The following PTPRJ variants were observed in gnomAD, a reference collection of about 807,000 sequenced individuals.
PTPRJ encodes protein tyrosine phosphatase receptor type J.
PTPRJ carries 129 observed loss-of-function variants against 141.3 expected under a neutral mutation model. That is an observed-to-expected ratio of 0.91 (90% CI 0.79 to 1.06). The LOEUF (loss-of-function observed/expected upper bound fraction) is 1.06. Ranked by LOEUF, PTPRJ falls within the 50% of genes least tolerant of loss-of-function variation. PTPRJ has a pLI of 0.00. For synonymous variants in PTPRJ, 610 were observed against 640.5 expected (o/e 0.95, Z 0.72); for missense variants, 1,601 against 1,679.7 (o/e 0.95, Z 0.82).
intron 1 of PTPRJ, chr11:48,096,822 A>T (rs73466882): frequency 0.015 from 2,387 of 154,830 alleles, 75 homozygotes; most frequent in African/African-American, 0.054. Context: ...ATTGAAGTTG[A>T]ATAGTGCTGG....
At chr11:48,143,191 A>C in intron 12 of PTPRJ, 141 bp downstream of exon 12, 1 of 1,156,154 alleles carries the variant, frequency 8.6e-7, no homozygotes, top group Non-Finnish European at 1.2e-6. Context: ...TCAGACAGAG[A>C]AGGAGGGTGA....
intron 1 of PTPRJ, among the ~76,000 whole-genome samples, chr11:48,033,290 G>A (rs926760004): frequency 6.6e-6 from 1 of 152,072 alleles, no homozygotes; most frequent in African/African-American, 2.4e-5. Flanking sequence ...GTGGAGTGGG[G>A]TGGGGTGGAT....
At chr11:48,132,306 CAGG>C (rs1194976891) in intron 8 of PTPRJ, 1 of 981,712 alleles carries the variant, frequency 1.0e-6, no homozygotes, top group Non-Finnish European at 1.2e-6. Context: ...GAGGCTGCGG[CAGG>C]AGGATTGCTT....
intron 1 of PTPRJ, among the ~76,000 whole-genome samples, chr11:48,106,196 C>T (rs144756235): frequency 1.2e-3 from 185 of 152,210 alleles, no homozygotes; most frequent in Non-Finnish European, 2.2e-3. Flanking sequence ...AAAAGGCTCC[C>T]GTTTAAGTCC....
At chr11:48,084,252 T>C (rs1855637629) in intron 1 of PTPRJ, among the ~76,000 whole-genome samples, 1 of 152,128 alleles carries the variant, frequency 6.6e-6, no homozygotes, top group African/African-American at 2.4e-5. Context: ...TCTTGGCTTA[T>C]TGCAACCTCT....
chr11:48,093,159 G>A (rs754527672), intron 1 of PTPRJ, among the ~76,000 whole-genome samples: 9 of 152,162 alleles, frequency 5.9e-5, no homozygotes, highest in Non-Finnish European at 1.2e-4. Flanking sequence ...TTGCCTCAGT[G>A]ATCATGTATG....
intron 4 of PTPRJ, 144 bp downstream of exon 4, chr11:48,121,410 C>A: frequency 1.1e-6 from 1 of 921,074 alleles, no homozygotes; most frequent in Non-Finnish European, 1.6e-6. Flanking sequence ...TTGTTTCAAG[C>A]CTGGGATTTC....
At chr11:48,146,729 G>T (rs1380164157) in intron 14 of PTPRJ, 147 bp from the exon 15 acceptor site, 5 of 694,164 alleles carry the variant, frequency 7.2e-6, no homozygotes, top group Non-Finnish European at 1.3e-5. Context: ...TTGTGTGTGT[G>T]TGCGCCTGTG....
At chr11:48,080,926 C>T (rs10838802) in intron 1 of PTPRJ, among the ~76,000 whole-genome samples, 98,337 of 152,146 alleles carry the variant, frequency 0.65, 33,836 homozygotes, top group East Asian at 0.81. Context: ...TCAGGAATTG[C>T]TGAGCGAATA....
intron 1 of PTPRJ, among the ~76,000 whole-genome samples, chr11:48,013,737 T>C (rs1433056736): frequency 6.6e-6 from 1 of 152,050 alleles, no homozygotes; most frequent in Non-Finnish European, 1.5e-5. Flanking sequence ...CTTGGCTTAG[T>C]GAGCCAAGCA....
rs1309864155 is a variant in PTPRJ, at chr11:48,068,526, C to T, written c.97-41532C>T. ...CCCTTCCACCGTGATTGTGAGGCCT[C>T]GCCAGCCATGTGGAACTGTGAGTCA... On this transcript the variant is annotated intron_variant, in intron 1 of 24. Transcript: ENST00000418331. Among the ~76,000 whole-genome samples the T allele has an allele frequency of 2.0e-5, 3 of 152,172 alleles. No individual in the cohort carries two copies. In the East Asian group the frequency reaches 5.8e-4, roughly 29 times the overall value.
At chr11:48,033,590 C>T (rs891645303) in intron 1 of PTPRJ, among the ~76,000 whole-genome samples, 3 of 152,084 alleles carry the variant, frequency 2.0e-5, no homozygotes, top group Non-Finnish European at 2.9e-5. Context: ...CTGAGCTGCT[C>T]CAAACGTGTG....
chr11:48,114,864 C>T (rs1856526765), intron 3 of PTPRJ, among the ~76,000 whole-genome samples: 1 of 152,128 alleles, frequency 6.6e-6, no homozygotes, highest in Non-Finnish European at 1.5e-5. Flanking sequence ...AGATATTTAA[C>T]AGAGAAGCAA....
intron 1 of PTPRJ, among the ~76,000 whole-genome samples, chr11:48,047,984 C>A (rs1854454956): frequency 6.6e-6 from 1 of 152,126 alleles, no homozygotes; most frequent in African/African-American, 2.4e-5. Context: ...TGGTTCTGGT[C>A]ATTAACGGCT....
intron 1 of PTPRJ, among the ~76,000 whole-genome samples, chr11:47,998,065 C>T (rs1280895977): frequency 6.6e-6 from 1 of 151,810 alleles, no homozygotes; most frequent in African/African-American, 2.4e-5. Flanking sequence ...TTTGTGAGGC[C>T]CAAAAACAGC....
chr11:48,122,919 C>G (rs1190444366), intron 4 of PTPRJ, among the ~76,000 whole-genome samples: 1 of 152,196 alleles, frequency 6.6e-6, no homozygotes, highest in Non-Finnish European at 1.5e-5. Context: ...CTGGGTTCTC[C>G]TGTCCCCACT....
chr11:48,151,135 C>T (rs1451719863), intron 18 of PTPRJ, among the ~76,000 whole-genome samples: 2 of 152,084 alleles, frequency 1.3e-5, no homozygotes, highest in Non-Finnish European at 2.9e-5. Flanking sequence ...AAAAAAGCAC[C>T]ACAAACTGGG....
At chr11:48,110,817 G>A (rs937552844) in intron 2 of PTPRJ, among the ~76,000 whole-genome samples, 2 of 152,130 alleles carry the variant, frequency 1.3e-5, no homozygotes, top group African/African-American at 4.8e-5. Context: ...TCATGCACAG[G>A]GCTGAGTCCC....
chr11:48,012,356 C>A (rs1204522536), intron 1 of PTPRJ, among the ~76,000 whole-genome samples: 1 of 152,078 alleles, frequency 6.6e-6, no homozygotes, highest in African/African-American at 2.4e-5. Flanking sequence ...ATACCATATT[C>A]CAGTCACCCA....
Sources: allele counts gnomAD v4.1 joint callset (sites outside exome capture counted in the v4.1 genomes callset), GRCh38; gene constraint gnomAD v4.1.1; transcripts MANE v1.5; gene names NCBI Gene and HGNC (gene_info 2026-07-23, HGNC 2026-07-21).